Variants in TMC2 observed in about 807,000 individuals in gnomAD.
The protein encoded by TMC2 is transmembrane channel like 2, also known as transmembrane channel-like protein 2.
Under a neutral mutation model 105.9 loss-of-function variants are expected in TMC2, and 102 were observed. That is an observed-to-expected ratio of 0.96 (90% CI 0.82 to 1.14). TMC2 has a LOEUF of 1.14. Among genes scored for constraint, TMC2 ranks in the 50% most tolerant of loss-of-function variants. TMC2 has a pLI of 0.00. For missense variants in TMC2, 1,093 were observed against 1,134.3 expected (o/e 0.96, Z 0.52); for synonymous variants, 402 against 422.8 (o/e 0.95, Z 0.60).
chr20:2,574,926 A>G (rs2086132956), intron 5 of TMC2, among the ~76,000 whole-genome samples: 2 of 151,828 alleles, frequency 1.3e-5, no homozygotes, highest in South Asian at 4.2e-4. Context: ...ATGTTTCACC[A>G]TGTTGGCCAG....
At chr20:2,609,393 T>C (rs2086418034) in intron 11 of TMC2, among the ~76,000 whole-genome samples, 1 of 152,146 alleles carries the variant, frequency 6.6e-6, no homozygotes, top group South Asian at 2.1e-4. Flanking sequence ...AAAACGTCCC[T>C]TCCACAAAGC....
At chr20:2,618,557 C>T (rs1449467713) in intron 16 of TMC2, among the ~76,000 whole-genome samples, 1 of 152,232 alleles carries the variant, frequency 6.6e-6, no homozygotes, top group Non-Finnish European at 1.5e-5. Flanking sequence ...CAGACCTCAA[C>T]TGAGCTCTCT....
At chr20:2,595,537 C>T (rs544402188) in intron 9 of TMC2, among the ~76,000 whole-genome samples, 6 of 152,330 alleles carry the variant, frequency 3.9e-5, no homozygotes, top group Middle Eastern at 3.4e-3. Context: ...CCCAACTCTA[C>T]TTGTCTCTGT....
intron 19 of TMC2, among the ~76,000 whole-genome samples, chr20:2,637,838 T>C (rs1436410419): frequency 6.6e-6 from 1 of 152,288 alleles, no homozygotes; most frequent in Non-Finnish European, 1.5e-5. Flanking sequence ...AATGAGCCAA[T>C]GAATACCAGC....
chr20:2,622,488 C>T (rs778427568), intron 16 of TMC2, among the ~76,000 whole-genome samples: 2 of 151,884 alleles, frequency 1.3e-5, no homozygotes, highest in Non-Finnish European at 2.9e-5. Context: ...GCCAACATGG[C>T]GAAACCCCGT....
chr20:2,613,456 A>AACACTGTAG (rs2086458378), intron 14 of TMC2, 134 bp downstream of exon 14: 1 of 1,327,632 alleles, frequency 7.5e-7, no homozygotes, highest in African/African-American at 1.4e-5. Flanking sequence ...TAGAGTAGTA[A>AACACTGTAG]AGTGTTTAAT....
intron 4 of TMC2, 128 bp from the exon 5 acceptor site, chr20:2,572,051 G>A: frequency 1.4e-6 from 1 of 724,798 alleles, no homozygotes; most frequent in Middle Eastern, 2.5e-4. Flanking sequence ...TGCCTTCATG[G>A]AATTTATATT....
At chr20:2,611,229 G>A (rs1469940826) in intron 12 of TMC2, among the ~76,000 whole-genome samples, 1 of 152,220 alleles carries the variant, frequency 6.6e-6, no homozygotes, top group African/African-American at 2.4e-5. Flanking sequence ...TGGAGCAGAA[G>A]AGTGAAAAAT....
In TMC2 at chr20:2,558,808, C is replaced by A. The variant is rs942528823; in HGVS notation, c.401+34C>A. Reference sequence around the variant, plus strand: ...TGGCTCCGATTCTGGGCATTCGCTCCGCGCGCTCCCGCTCCTTCGCGGCCC... The same window carrying A: ...TGGCTCCGATTCTGGGCATTCGCTCAGCGCGCTCCCGCTCCTTCGCGGCCC... On this transcript the variant is annotated intron_variant, in intron 3 of 19. Coordinates refer to ENST00000358864, the MANE Select transcript of TMC2 (RefSeq NM_080751.3). This position sits in a 1 kb window ranked among gnomAD's most constrained non-coding sequence, Gnocchi z 4.6. 1.5e-5 allele frequency: 22 copies of A among 1,494,736 alleles called. No individual in the cohort carries two copies. The highest frequency in any genetic ancestry group is 1.8e-5 in the Non-Finnish European group (20 of 1,122,466). 92.6% of individuals were successfully genotyped at this position (1,494,736 alleles called of 1,614,324 possible). A position where few individuals can be genotyped will look rare whatever the true frequency, so the allele number is the denominator to read the frequency against.
At chr20:2,620,706 CAT>C (rs1422008697) in intron 16 of TMC2, among the ~76,000 whole-genome samples, 1 of 152,194 alleles carries the variant, frequency 6.6e-6, no homozygotes, top group Non-Finnish European at 1.5e-5. Context: ...TCAGCTGAGA[CAT>C]GTGCTATCCT....
intron 2 of TMC2, among the ~76,000 whole-genome samples, chr20:2,542,984 C>T (rs1235959597): frequency 2.6e-5 from 4 of 152,010 alleles, no homozygotes; most frequent in African/African-American, 7.3e-5. Flanking sequence ...CACCTGTAAT[C>T]CCAGCACTTT....
At chr20:2,618,601 A>G (rs934216721) in intron 16 of TMC2, among the ~76,000 whole-genome samples, 1 of 152,232 alleles carries the variant, frequency 6.6e-6, no homozygotes, top group Admixed American at 6.5e-5. Context: ...GGTTCAATAC[A>G]TAAGTCAAGC....
At chr20:2,538,369 T>C (rs966466440) in intron 2 of TMC2, among the ~76,000 whole-genome samples, 1 of 152,142 alleles carries the variant, frequency 6.6e-6, no homozygotes, top group African/African-American at 2.4e-5. Context: ...GCCTGCCTCA[T>C]CCACTCTTTA....
At chr20:2,633,866 C>A (rs557265094) in intron 17 of TMC2, among the ~76,000 whole-genome samples, 5 of 152,284 alleles carry the variant, frequency 3.3e-5, no homozygotes, top group African/African-American at 1.2e-4. Flanking sequence ...TGCTGCAAAC[C>A]TTTGGTTAAT....
intron 4 of TMC2, among the ~76,000 whole-genome samples, chr20:2,568,902 T>A (rs1302070136): frequency 6.6e-6 from 1 of 152,098 alleles, no homozygotes; most frequent in African/African-American, 2.4e-5. Context: ...GGATGCAACT[T>A]CACACGTATC....
At chr20:2,568,816 G>A (rs1443397697) in intron 4 of TMC2, among the ~76,000 whole-genome samples, 1 of 152,138 alleles carries the variant, frequency 6.6e-6, no homozygotes, top group Admixed American at 6.5e-5. Flanking sequence ...TCTTGACCCT[G>A]GGTTTAGGAG....
intron 2 of TMC2, among the ~76,000 whole-genome samples, chr20:2,540,656 CAA>C (rs10657326): frequency 1.4e-4 from 15 of 108,398 alleles, no homozygotes; most frequent in Admixed American, 1.9e-4. Context: ...GAGGGACTCT[CAA>C]AAAAAAAAAA....
At chr20:2,624,022 T>C (rs1217580225) in intron 16 of TMC2, among the ~76,000 whole-genome samples, 2 of 152,202 alleles carry the variant, frequency 1.3e-5, no homozygotes, top group East Asian at 3.9e-4. Flanking sequence ...CAGTGAAGGC[T>C]AAGAGGTTGT....
At chr20:2,547,870 T>G (rs1341403227) in intron 2 of TMC2, among the ~76,000 whole-genome samples, 3 of 152,226 alleles carry the variant, frequency 2.0e-5, no homozygotes, top group Non-Finnish European at 2.9e-5. Flanking sequence ...TCTGCAAACT[T>G]TCTGCTATTT....
Sources: allele counts gnomAD v4.1 joint callset (sites outside exome capture counted in the v4.1 genomes callset), GRCh38; gene constraint gnomAD v4.1.1; non-coding constraint Gnocchi (gnomAD v3.1); transcripts MANE v1.5; gene names NCBI Gene and HGNC (gene_info 2026-07-23, HGNC 2026-07-21).